ROBO1: variants seen among roughly 807,000 people sequenced by gnomAD.
ROBO1 encodes the protein roundabout guidance receptor 1.
A neutral mutation model predicts 195.9 loss-of-function variants in ROBO1; 149 were observed. The ratio of observed to expected loss-of-function variants is 0.76; its 90% confidence interval spans 0.67 to 0.87. The LOEUF is 0.87. ROBO1 is among the 40% of genes least tolerant of loss of function. The probability of loss-of-function intolerance (pLI) is 0.00; values close to 1 mark genes in which losing one functional copy is unlikely to be tolerated. For synonymous variants in ROBO1, 816 were observed against 733.2 expected, an observed-to-expected ratio of 1.11 and a Z score of -1.82; for missense variants, 1,933 against 2,068.3, an observed-to-expected ratio of 0.93 and a Z score of 1.27.
intron 10 of ROBO1, among the ~76,000 whole-genome samples, chr3:78,675,807 C>A (rs1230556784): frequency 6.6e-6 from 1 of 152,142 alleles, no homozygotes; most frequent in African/African-American, 2.4e-5. Flanking sequence ...TGTCTGACAG[C>A]TTTGAAGAGA....
chr3:78,740,177 C>G (rs1034547448), intron 5 of ROBO1, among the ~76,000 whole-genome samples: 2 of 150,516 alleles, frequency 1.3e-5, no homozygotes, highest in East Asian at 1.9e-4. Flanking sequence ...TCATCTCCTT[C>G]TTCTTCACCT....
chr3:79,429,845 G>T (rs2038603050), intron 2 of ROBO1, among the ~76,000 whole-genome samples: 2 of 151,952 alleles, frequency 1.3e-5, no homozygotes, highest in Non-Finnish European at 2.9e-5. Context: ...AAACTATAGA[G>T]CAGTCTTTTG....
At chr3:79,009,107 A>ATTTT (rs749520016) in intron 3 of ROBO1, among the ~76,000 whole-genome samples, 5 of 115,380 alleles carry the variant, frequency 4.3e-5, no homozygotes, top group African/African-American at 1.8e-4. Flanking sequence ...CGCCCAGCTA[A>ATTTT]TTTTTTTTTT....
intron 2 of ROBO1, among the ~76,000 whole-genome samples, chr3:79,467,451 C>T (rs768554498): frequency 4.6e-5 from 7 of 151,292 alleles, no homozygotes; most frequent in Non-Finnish European, 8.8e-5. Flanking sequence ...CCCCAAACAC[C>T]AGGCTCCACG....
intron 4 of ROBO1, among the ~76,000 whole-genome samples, chr3:78,869,622 A>AT (rs560176819): frequency 0.015 from 2,190 of 148,496 alleles, 34 homozygotes; most frequent in Middle Eastern, 0.038. Flanking sequence ...CACCAGGTAA[A>AT]TTTTTTTTTT....
intron 1 of ROBO1, among the ~76,000 whole-genome samples, chr3:79,720,384 G>A (rs1207140044): frequency 6.6e-6 from 1 of 152,132 alleles, no homozygotes; most frequent in Non-Finnish European, 1.5e-5. Context: ...AAATTAGTGA[G>A]CCACTTTGAA....
intron 1 of ROBO1, among the ~76,000 whole-genome samples, chr3:79,610,889 C>T (rs1011930996): frequency 3.3e-5 from 5 of 152,080 alleles, no homozygotes; most frequent in African/African-American, 1.2e-4. Flanking sequence ...CATTAGGAGT[C>T]TATCAACACT....
intron 1 of ROBO1, among the ~76,000 whole-genome samples, chr3:79,704,844 C>G (rs531983421): frequency 1.3e-5 from 2 of 152,072 alleles, no homozygotes; most frequent in South Asian, 4.1e-4. Flanking sequence ...TTCTCATCAG[C>G]ATTTTGTATT....
intron 26 of ROBO1, among the ~76,000 whole-genome samples, chr3:78,619,699 G>A (rs1254031305): frequency 3.3e-5 from 5 of 151,948 alleles, no homozygotes; most frequent in Admixed American, 6.6e-5. Flanking sequence ...AAGGATGTCT[G>A]GGAATGCACA....
At chr3:79,620,403 TC>T (rs1419930661) in intron 1 of ROBO1, among the ~76,000 whole-genome samples, 5 of 152,096 alleles carry the variant, frequency 3.3e-5, no homozygotes, top group Non-Finnish European at 7.3e-5. Flanking sequence ...GGCAACCCAC[TC>T]CACATTACCT....
chr3:79,047,953 C>G (rs143924295), intron 3 of ROBO1, among the ~76,000 whole-genome samples: 1 of 152,184 alleles, frequency 6.6e-6, no homozygotes, highest in East Asian at 1.9e-4. Context: ...GGCATATATA[C>G]TTTGACAACA....
chr3:79,091,694 C>T (rs1372804427), intron 3 of ROBO1, among the ~76,000 whole-genome samples: 2 of 151,188 alleles, frequency 1.3e-5, no homozygotes, highest in East Asian at 2.0e-4. Flanking sequence ...TTACTTAGAG[C>T]GCGACATTTC....
At chr3:79,322,873 A>G (rs2034045296) in intron 2 of ROBO1, among the ~76,000 whole-genome samples, 1 of 152,212 alleles carries the variant, frequency 6.6e-6, no homozygotes, top group Admixed American at 6.5e-5. Context: ...ACAAAATAAA[A>G]TGGACACAAT....
At chr3:78,626,752 CACAT>C (rs200606914) in intron 26 of ROBO1, among the ~76,000 whole-genome samples, 1 of 118,746 alleles carries the variant, frequency 8.4e-6, no homozygotes, top group Non-Finnish European at 1.7e-5. Context: ...CACAAGCACA[CACAT>C]ACACACACAC....
intron 2 of ROBO1, among the ~76,000 whole-genome samples, chr3:79,231,209 A>C (rs1380362340): frequency 6.6e-6 from 1 of 152,202 alleles, no homozygotes; most frequent in African/African-American, 2.4e-5. Flanking sequence ...ATAAGCAAAA[A>C]TTGGTAAATG....
In ROBO1 at chr3:78,968,632, A is replaced by G. The variant is rs555506045; in HGVS notation, c.173-29705T>C. 3.9e-5 allele frequency among the ~76,000 whole-genome samples: 6 copies of G among 152,144 alleles called. No homozygotes were observed. In the East Asian group the frequency reaches 1.2e-3, roughly 29 times the overall value. On this transcript the variant is annotated intron_variant, in intron 3 of 30. Coordinates refer to ENST00000464233, the MANE Select transcript of ROBO1 (RefSeq NM_002941.4). The stretch of plus-strand genomic sequence containing the variant: ...AAAAGAAAAAAAAAAGGCAGTAAGA[A>G]GAAATTAAAGAATCAAATTTGGCCA...
intron 1 of ROBO1, among the ~76,000 whole-genome samples, chr3:79,756,353 C>A (rs1017819429): frequency 2.0e-5 from 3 of 151,924 alleles, no homozygotes; most frequent in Non-Finnish European, 4.4e-5. Flanking sequence ...AGTTCGAGAT[C>A]AGCCTGAACA....
At chr3:78,765,236 CT>C (rs1367142188) in intron 4 of ROBO1, among the ~76,000 whole-genome samples, 1 of 151,838 alleles carries the variant, frequency 6.6e-6, no homozygotes, top group Non-Finnish European at 1.5e-5. Context: ...GCAGGTGACT[CT>C]TTTATTTGGA....
chr3:78,996,829 GTA>G (rs1324497916), intron 3 of ROBO1, among the ~76,000 whole-genome samples: 1 of 152,110 alleles, frequency 6.6e-6, no homozygotes, highest in African/African-American at 2.4e-5. Context: ...AAGCATGTGT[GTA>G]TACACATAAG....
Sources: allele counts gnomAD v4.1 joint callset (sites outside exome capture counted in the v4.1 genomes callset), GRCh38; gene constraint gnomAD v4.1.1; transcripts MANE v1.5; gene names NCBI Gene and HGNC (gene_info 2026-07-23, HGNC 2026-07-21).